Variants in GAS2 observed in about 807,000 individuals in gnomAD.
GAS2 encodes the protein growth arrest-specific protein 2.
Under a neutral mutation model 37.5 loss-of-function variants are expected in GAS2, and 20 were observed. The ratio of observed to expected loss-of-function variants is 0.53; its 90% CI spans 0.37 to 0.77. The LOEUF (loss-of-function observed/expected upper bound fraction) is 0.77. Ranked by LOEUF, GAS2 falls within the 30% of genes least tolerant of loss-of-function variation. The pLI, the probability that GAS2 is intolerant of heterozygous loss-of-function variation, is 0.00. For missense variants in GAS2, 336 were observed against 373.4 expected, an observed-to-expected ratio of 0.90 and a Z score of 0.82; for synonymous variants, 144 against 132.2, an observed-to-expected ratio of 1.09 and a Z score of -0.61.
chr11:22,784,977 A>C (rs1855753617), intron 7 of GAS2, among the ~76,000 whole-genome samples: 1 of 152,134 alleles, frequency 6.6e-6, no homozygotes, highest in Admixed American at 6.6e-5. Flanking sequence ...CCTGTGGTTA[A>C]ATTGCAAGGA....
chr11:22,760,292 T>C (rs945495552), intron 7 of GAS2, among the ~76,000 whole-genome samples: 6 of 152,146 alleles, frequency 3.9e-5, no homozygotes, highest in Non-Finnish European at 7.3e-5. Context: ...CTTCCAACAG[T>C]AATTTTTAAA....
At chr11:22,644,795 G>C (rs144650465) in intron 1 of GAS2, among the ~76,000 whole-genome samples, 1 of 152,030 alleles carries the variant, frequency 6.6e-6, no homozygotes, top group South Asian at 2.1e-4. Context: ...ATAAATTTTT[G>C]TATTTTCAGT....
At chr11:22,776,148 G>A (rs1191272774) in intron 7 of GAS2, among the ~76,000 whole-genome samples, 1 of 152,196 alleles carries the variant, frequency 6.6e-6, no homozygotes, top group Non-Finnish European at 1.5e-5. Context: ...TGGAACTGGT[G>A]TCATGAATTG....
chr11:22,634,751 A>G (rs1374213519), intron 1 of GAS2, among the ~76,000 whole-genome samples: 2 of 152,148 alleles, frequency 1.3e-5, no homozygotes, highest in Non-Finnish European at 2.9e-5. Context: ...CTAATCTCAC[A>G]GTAGTGGGTA....
At chr11:22,765,115 G>A (rs1854616152) in intron 7 of GAS2, among the ~76,000 whole-genome samples, 1 of 152,034 alleles carries the variant, frequency 6.6e-6, no homozygotes, top group South Asian at 2.1e-4. Flanking sequence ...GCATTGCTAT[G>A]ACCTTCCTGC....
chr11:22,749,248 T>TA lies in GAS2; in HGVS notation c.603dup (p.Leu202ThrfsTer3). ...TCTGGAAAAAAGAGTACAGGAAACT[T>TA]ACTGGATGATGCAGTAAGTAAAATC... On this transcript the variant is annotated frameshift_variant, in exon 6 of 8. Coordinates refer to ENST00000454584, the MANE Select transcript of GAS2 (RefSeq NM_001143830.3). LOFTEE classifies it high-confidence loss of function. 6.2e-7 allele frequency: 1 copy of TA among 1,611,760 alleles called. No individual in the cohort carries two copies. Among genetic ancestry groups the TA allele is most frequent in the South Asian group, 1.1e-5 (1 of 90,884 alleles).
intron 6 of GAS2, 115 bp downstream of exon 6, chr11:22,749,376 G>T (rs2270755): frequency 0.35 from 330,978 of 955,320 alleles, 59,362 homozygotes; most frequent in East Asian, 0.57. Context: ...TTCTTGAAAT[G>T]TATTTTAAGC....
intron 7 of GAS2, among the ~76,000 whole-genome samples, chr11:22,770,914 T>C (rs559563166): frequency 8.5e-5 from 13 of 152,312 alleles, no homozygotes; most frequent in African/African-American, 1.4e-4. Flanking sequence ...ACTTCATATC[T>C]TCTTGTTTCA....
intron 7 of GAS2, among the ~76,000 whole-genome samples, chr11:22,770,801 G>A (rs765942892): frequency 3.7e-4 from 56 of 152,126 alleles, no homozygotes; most frequent in Non-Finnish European, 5.6e-4. Flanking sequence ...TCTCATTGTC[G>A]TTCAAAAAGC....
chr11:22,703,444 A>T (rs554473242), intron 3 of GAS2, among the ~76,000 whole-genome samples: 19 of 152,198 alleles, frequency 1.2e-4, no homozygotes, highest in Non-Finnish European at 2.2e-4. Context: ...CTGTTACTAA[A>T]TGTGTTGGAG....
intron 3 of GAS2, among the ~76,000 whole-genome samples, chr11:22,721,699 C>T (rs919395904): frequency 2.0e-5 from 3 of 151,954 alleles, no homozygotes; most frequent in African/African-American, 7.2e-5. Flanking sequence ...GGCTAGCTAC[C>T]ATATTGGTTA....
At chr11:22,782,016 A>C (rs914193676) in intron 7 of GAS2, among the ~76,000 whole-genome samples, 2 of 152,212 alleles carry the variant, frequency 1.3e-5, no homozygotes, top group African/African-American at 2.4e-5. Context: ...GTTTTTTATT[A>C]GTTAAAATGG....
At chr11:22,692,139 A>G (rs761318125) in intron 3 of GAS2, among the ~76,000 whole-genome samples, 6 of 152,136 alleles carry the variant, frequency 3.9e-5, no homozygotes, top group Non-Finnish European at 8.8e-5. Context: ...GAGACTTGAT[A>G]TGGGCTACAT....
intron 6 of GAS2, among the ~76,000 whole-genome samples, chr11:22,753,248 T>A (rs1414997976): frequency 3.3e-5 from 5 of 152,046 alleles, no homozygotes; most frequent in African/African-American, 7.2e-5. Flanking sequence ...CATCAGTCAC[T>A]GTTTACTTAA....
intron 3 of GAS2, among the ~76,000 whole-genome samples, chr11:22,698,063 A>G (rs1459262443): frequency 6.6e-6 from 1 of 152,164 alleles, no homozygotes; most frequent in Non-Finnish European, 1.5e-5. Flanking sequence ...CCCATTCAGT[A>G]TGATATTGGC....
At chr11:22,701,390 G>A (rs1025143237) in intron 3 of GAS2, among the ~76,000 whole-genome samples, 4 of 152,090 alleles carry the variant, frequency 2.6e-5, no homozygotes, top group Non-Finnish European at 5.9e-5. Flanking sequence ...ATGTGCATTT[G>A]TCTTCATGGT....
chr11:22,774,501 AT>A (rs1216510553), intron 7 of GAS2, among the ~76,000 whole-genome samples: 4 of 152,226 alleles, frequency 2.6e-5, no homozygotes, highest in Admixed American at 2.6e-4. Flanking sequence ...TTAGTATGAC[AT>A]TTTAAACAAG....
chr11:22,718,819 G>A (rs944578768), intron 3 of GAS2, among the ~76,000 whole-genome samples: 6 of 152,008 alleles, frequency 3.9e-5, no homozygotes, highest in African/African-American at 1.2e-4. Flanking sequence ...ATCTCAGTCT[G>A]TTCATATGCA....
intron 1 of GAS2, among the ~76,000 whole-genome samples, chr11:22,668,848 G>C (rs1313215774): frequency 6.6e-6 from 1 of 152,162 alleles, no homozygotes; most frequent in Non-Finnish European, 1.5e-5. Context: ...TGTAAGGTTG[G>C]TTTGGTATCT....
Sources: gnomAD v4.1 joint callset for allele counts (sites outside exome capture counted in the v4.1 genomes callset) on GRCh38, gnomAD v4.1.1 for gene constraint, MANE v1.5 for transcripts, NCBI Gene and HGNC (gene_info 2026-07-23, HGNC 2026-07-21) for gene names.